Variants in TNFRSF8 observed in about 807,000 individuals in gnomAD.
The protein encoded by TNFRSF8 is tumor necrosis factor receptor superfamily member 8.
A neutral mutation model predicts 70.8 loss-of-function variants in TNFRSF8; 26 were observed. That is an observed-to-expected ratio of 0.37 (90% CI 0.27 to 0.51). The LOEUF (loss-of-function observed/expected upper bound fraction) is 0.51, where lower values mean the gene tolerates loss of function less well. TNFRSF8 is among the 20% of genes least tolerant of loss of function. The pLI is 0.94. For missense variants in TNFRSF8, 720 were observed against 807.9 expected (o/e 0.89, Z 1.32); for synonymous variants, 356 against 339.2 (o/e 1.05, Z -0.54).
Position 12,113,335 on chromosome 1 carries a change from T to A in TNFRSF8, c.793+1321T>A, listed in dbSNP as rs1307186428. Among the ~76,000 whole-genome samples the A allele has an allele frequency of 6.6e-6, 1 of 152,180 alleles. No individual in the cohort carries two copies. Among genetic ancestry groups the A allele is most frequent in the Non-Finnish European group, 1.5e-5 (1 of 68,030 alleles). ...TAAAGGCGAAGTCTTTTTCTCTTTT[T>A]TTCTTTTTTTGTATTTTTAGTAGAG... On this transcript the variant is annotated intron_variant, in intron 7 of 14. Coordinates refer to ENST00000263932, the MANE Select transcript of TNFRSF8 (RefSeq NM_001243.5). The surrounding 1 kb of genome is among the most constrained non-coding windows in gnomAD (Gnocchi z 4.9).
chr1:12,084,610 C>T (rs11569822), intron 2 of TNFRSF8, 59 bp downstream of exon 2: 401,939 of 1,471,820 alleles, frequency 0.27, 56,874 homozygotes, highest in South Asian at 0.37. Context: ...ATTGATGACC[C>T]TCTTGGGGGA....
intron 1 of TNFRSF8, among the ~76,000 whole-genome samples, chr1:12,079,949 ATTTTTTTTT>A (rs111729252): frequency 1.6e-5 from 2 of 127,048 alleles, no homozygotes; most frequent in Non-Finnish European, 3.4e-5. Context: ...TTAATTCTCT[ATTTTTTTTT>A]TTTTTTTTGA....
chr1:12,129,016 G>A (rs2101034351), intron 12 of TNFRSF8, among the ~76,000 whole-genome samples: 1 of 151,744 alleles, frequency 6.6e-6, no homozygotes, highest in African/African-American at 2.4e-5. Context: ...GGTATTTTTA[G>A]TAGAGACGGG....
intron 1 of TNFRSF8, among the ~76,000 whole-genome samples, chr1:12,067,514 C>A (rs1640762702): frequency 6.6e-6 from 1 of 152,064 alleles, no homozygotes; most frequent in Admixed American, 6.6e-5. Flanking sequence ...CGTGGTGAGA[C>A]CCTGTCTCTA....
At chr1:12,123,608 G>C in intron 9 of TNFRSF8, 107 bp from the exon 10 acceptor site, 1 of 1,077,746 alleles carries the variant, frequency 9.3e-7, no homozygotes, top group South Asian at 1.5e-5. Context: ...AGAGGATCTA[G>C]GGGCCCAGGC....
rs1640691097 is a variant in TNFRSF8 at position 12,063,866 on chromosome 1, C to G, written c.63+205C>G. Among the ~76,000 whole-genome samples the G allele has an allele frequency of 6.6e-6, 1 of 152,192 alleles. No homozygotes were observed. The highest frequency in any genetic ancestry group is 1.5e-5 in the Non-Finnish European group (1 of 68,016). On this transcript the variant is annotated intron_variant, in intron 1 of 14. Coordinates refer to ENST00000263932, the MANE Select transcript of TNFRSF8 (RefSeq NM_001243.5). The surrounding 1 kb of genome is among the most constrained non-coding windows in gnomAD (Gnocchi z 7.2). ...GAAGGGCTAGTGGTGGGGGGCGCCT[C>G]CTTCTCACCCCGCGATGGCTGGGAC...
At chr1:12,132,045 G>A (rs1570078176) in intron 12 of TNFRSF8, among the ~76,000 whole-genome samples, 1 of 152,080 alleles carries the variant, frequency 6.6e-6, no homozygotes, top group Non-Finnish European at 1.5e-5. Flanking sequence ...GCCCACCTCA[G>A]CCTCCCAAAA....
intron 2 of TNFRSF8, among the ~76,000 whole-genome samples, chr1:12,087,391 C>G (rs1309381525): frequency 6.6e-6 from 1 of 152,120 alleles, no homozygotes. Flanking sequence ...TGGTCTTCAA[C>G]TCCTGACCTC....
In TNFRSF8 at chr1:12,142,552, T is replaced by C; in HGVS notation, c.*21T>C. 6.4e-7 allele frequency: 1 copy of C among 1,553,198 alleles called. No homozygotes were observed. The highest frequency in any genetic ancestry group is 8.7e-7 in the Non-Finnish European group (1 of 1,147,972). ...AGTGAGGCCTGGGCTGGGCTGGGGC[T>C]AGGAGGGCAGCAGGGTGGCCTCTGG... On this transcript the variant is annotated 3_prime_UTR_variant, in exon 15 of 15. Transcript: ENST00000263932. The surrounding 1 kb of genome is among the most constrained non-coding windows in gnomAD (Gnocchi z 5.0).
At chr1:12,135,694 A>C in intron 13 of TNFRSF8, 81 bp downstream of exon 13, 1 of 1,575,410 alleles carries the variant, frequency 6.3e-7, no homozygotes, top group Non-Finnish European at 8.7e-7. Flanking sequence ...AAGTTTTGAG[A>C]GCTGCTGGGG....
In TNFRSF8 at chr1:12,063,936, C is replaced by A. The variant is rs1235261746; in HGVS notation, c.63+275C>A. On this transcript the variant is annotated intron_variant, in intron 1 of 14. Coordinates refer to ENST00000263932, the MANE Select transcript of TNFRSF8 (RefSeq NM_001243.5). The surrounding 1 kb of genome is among the most constrained non-coding windows in gnomAD (Gnocchi z 7.2). ...GAATTGGACTGAGAGCACTGCCATA[C>A]GCGGGAGGCGCTCTTTAGCCCGCCT... Among the ~76,000 whole-genome samples the A allele has an allele frequency of 6.6e-6, 1 of 152,322 alleles. No homozygotes were observed. The highest frequency in any genetic ancestry group is 3.4e-3 in the Middle Eastern group (1 of 294).
rs2101025659 is a variant in TNFRSF8, at chr1:12,123,387, C to T, written c.1040+10C>T. 1 of 1,599,726 alleles carries T rather than the reference C, an allele frequency of 6.3e-7. No individual in the cohort carries two copies. The highest frequency in any genetic ancestry group is 8.5e-7 in the Non-Finnish European group (1 of 1,173,124). ...GCGAGGCGCCTGCCAGGTGACTCCC[C>T]CACCCCTTCTCTCTGTTTGGCTGCT... On this transcript the variant is annotated intron_variant, in intron 9 of 14. Transcript: ENST00000263932.
At chr1:12,080,987 T>C (rs1003637448) in intron 1 of TNFRSF8, among the ~76,000 whole-genome samples, 2 of 152,212 alleles carry the variant, frequency 1.3e-5, no homozygotes, top group Admixed American at 6.5e-5. Context: ...GCTACACCTC[T>C]CTGGGCTGCA....
intron 14 of TNFRSF8, among the ~76,000 whole-genome samples, chr1:12,139,593 T>C (rs962413634): frequency 5.3e-5 from 8 of 152,224 alleles, no homozygotes; most frequent in Admixed American, 2.6e-4. Flanking sequence ...GTGCTCCCTG[T>C]GGGCAGGGCC....
chr1:12,095,373 C>T (rs1570017632), intron 2 of TNFRSF8, among the ~76,000 whole-genome samples: 3 of 151,744 alleles, frequency 2.0e-5, no homozygotes, highest in Admixed American at 2.0e-4. Context: ...CTGCAACCTC[C>T]GCCTCCCGGG....
intron 13 of TNFRSF8, 33 bp downstream of exon 13, chr1:12,135,646 T>C (rs1223347527): frequency 6.2e-7 from 1 of 1,613,078 alleles, no homozygotes; most frequent in Non-Finnish European, 8.5e-7. Context: ...CACCTCAGCT[T>C]CGTGCCCCTA....
rs372322653 is a variant in TNFRSF8 at position 12,123,498 on chromosome 1, T to C, written c.1040+121T>C. 2.3e-4 allele frequency: 231 copies of C among 1,025,934 alleles called. No homozygotes were observed. The East Asian group carries it at 4.4e-3, about 20-fold the overall frequency. The allele number at this position is 1,025,934 out of a possible 1,614,324, so 63.6% of individuals were successfully genotyped here. On this transcript the variant is annotated intron_variant, in intron 9 of 14. Coordinates refer to ENST00000263932, the MANE Select transcript of TNFRSF8 (RefSeq NM_001243.5). ...TGGAGGTGGGGCCTGGGCTGCTCTT[T>C]TGTTAAATGTGTGCCCATCTCTTTG...
Position 12,109,651 on chromosome 1 carries a change from C to G in TNFRSF8, c.507C>G (p.Pro169=). 1 of 1,613,286 alleles carries G rather than the reference C, an allele frequency of 6.2e-7. No homozygotes were observed. The part of the protein sequence containing the change: ...ACASPENCKE[P]SSGTIPQAKP... ...CCAGCCCAGAGAACTGCAAGGAACC[C>G]TCCAGGTGACTCCCTGGCTTTGCCT... Residue 169 remains proline, a synonymous_variant, in exon 5 of 15, where the codon CCC becomes CCG. Transcript: ENST00000263932. This position sits in a 1 kb window ranked among gnomAD's most constrained non-coding sequence, Gnocchi z 4.4.
rs1011683135 is a variant in TNFRSF8 at position 12,063,955 on chromosome 1, C to T, written c.63+294C>T. On this transcript the variant is annotated intron_variant, in intron 1 of 14. Coordinates refer to ENST00000263932, the MANE Select transcript of TNFRSF8 (RefSeq NM_001243.5). The surrounding 1 kb of genome is among the most constrained non-coding windows in gnomAD (Gnocchi z 7.2). Reference sequence around the variant, plus strand: ...GCCATACGCGGGAGGCGCTCTTTAGCCCGCCTACCTGCGGGCCCGTCGGGG... The same window carrying T: ...GCCATACGCGGGAGGCGCTCTTTAGTCCGCCTACCTGCGGGCCCGTCGGGG... Among the ~76,000 whole-genome samples the T allele has an allele frequency of 2.0e-5, 3 of 152,210 alleles. No individual in the cohort carries two copies. The highest frequency in any genetic ancestry group is 4.4e-5 in the Non-Finnish European group (3 of 68,042).
Sources: gnomAD v4.1 joint callset for allele counts (sites outside exome capture counted in the v4.1 genomes callset) on GRCh38, gnomAD v4.1.1 for gene constraint, Gnocchi (gnomAD v3.1) non-coding constraint, MANE v1.5 for transcripts, NCBI Gene and HGNC (gene_info 2026-07-23, HGNC 2026-07-21) for gene names.